Variants in SARNP observed in about 807,000 individuals in gnomAD.
The protein encoded by SARNP is SAP domain-containing ribonucleoprotein.
In SARNP, 5 loss-of-function variants were observed where a neutral mutation model predicts 38.1. The observed-to-expected ratio is 0.13, with a 90% confidence interval of 0.07 to 0.28. The LOEUF (loss-of-function observed/expected upper bound fraction) is 0.28. SARNP is among the 10% of genes least tolerant of loss of function. The pLI is 1.00. For synonymous variants in SARNP, 84 were observed against 80.6 expected, an observed-to-expected ratio of 1.04 and a Z score of -0.23; for missense variants, 180 against 243.9, an observed-to-expected ratio of 0.74 and a Z score of 1.75.
intron 2 of SARNP, among the ~76,000 whole-genome samples, chr12:55,802,066 T>G (rs59237134): frequency 0.046 from 7,066 of 152,226 alleles, 569 homozygotes; most frequent in African/African-American, 0.16. Context: ...TAAACTTTTT[T>G]CATGGAGAAC....
At chr12:55,775,602 GAAGA>G (rs1456219352) in intron 9 of SARNP, among the ~76,000 whole-genome samples, 1 of 150,124 alleles carries the variant, frequency 6.7e-6, no homozygotes, top group African/African-American at 2.4e-5. Context: ...AAGGGGAGAG[GAAGA>G]AAGGAGTTAA....
At chr12:55,760,775 A>G (rs1181799238) in intron 9 of SARNP, 135 bp from the exon 10 acceptor site, 1 of 637,882 alleles carries the variant, frequency 1.6e-6, no homozygotes, top group Non-Finnish European at 2.8e-6. Context: ...ATAAAGAGAT[A>G]AGATACATAA....
At chr12:55,786,448 G>A (rs1879497315) in intron 9 of SARNP, among the ~76,000 whole-genome samples, 1 of 151,914 alleles carries the variant, frequency 6.6e-6, no homozygotes, top group African/African-American at 2.4e-5. Context: ...TTGTTTGTTT[G>A]TTTGTTTGTT....
intron 9 of SARNP, among the ~76,000 whole-genome samples, chr12:55,784,253 G>A (rs1042408654): frequency 6.6e-6 from 1 of 152,144 alleles, no homozygotes; most frequent in East Asian, 1.9e-4. Flanking sequence ...AAATTATATA[G>A]AAGGCTACAC....
intron 1 of SARNP, among the ~76,000 whole-genome samples, chr12:55,804,603 A>G (rs1880080746): frequency 6.6e-6 from 1 of 152,150 alleles, no homozygotes; most frequent in Admixed American, 6.5e-5. Flanking sequence ...TTAGGCAAAG[A>G]AGGTTAACAG....
chr12:55,802,992 T>C (rs2136202328), intron 2 of SARNP, among the ~76,000 whole-genome samples: 1 of 149,970 alleles, frequency 6.7e-6, no homozygotes, highest in African/African-American at 2.4e-5. Context: ...GCCAGTTATG[T>C]AATTACCAAT....
chr12:55,786,090 A>T (rs1288331225), intron 9 of SARNP, among the ~76,000 whole-genome samples: 1 of 152,226 alleles, frequency 6.6e-6, no homozygotes, highest in Non-Finnish European at 1.5e-5. Context: ...TAAAAATGAA[A>T]AAAGGTCAAA....
intron 9 of SARNP, among the ~76,000 whole-genome samples, chr12:55,785,633 G>T (rs1349793922): frequency 3.9e-5 from 6 of 151,920 alleles, no homozygotes; most frequent in Non-Finnish European, 8.8e-5. Context: ...AAATTAGCTG[G>T]GCATGGTGGC....
At chr12:55,792,365 G>A (rs1879697319) in intron 7 of SARNP, among the ~76,000 whole-genome samples, 1 of 151,540 alleles carries the variant, frequency 6.6e-6, no homozygotes, top group Admixed American at 6.6e-5. Flanking sequence ...CTGAGAAAAG[G>A]GGCTATGTTC....
intron 9 of SARNP, among the ~76,000 whole-genome samples, chr12:55,781,395 G>A (rs886393709): frequency 3.5e-4 from 53 of 151,902 alleles, no homozygotes; most frequent in African/African-American, 1.1e-3. Context: ...TTAGCCAGGC[G>A]TTGTGGCGGG....
At chr12:55,760,710 A>G (rs1178430851) in intron 9 of SARNP, 70 bp from the exon 10 acceptor site, 3 of 1,063,812 alleles carry the variant, frequency 2.8e-6, no homozygotes, top group African/African-American at 1.6e-5. Context: ...GAATGAAATG[A>G]TAACTTATTG....
chr12:55,759,446 C>T (rs1179073896), intron 10 of SARNP, among the ~76,000 whole-genome samples: 2 of 149,894 alleles, frequency 1.3e-5, no homozygotes, highest in Non-Finnish European at 3.0e-5. Flanking sequence ...GAGCAAGTCT[C>T]ACTCTGTAGC....
chr12:55,760,768 A>C, intron 9 of SARNP, 128 bp from the exon 10 acceptor site: 1 of 659,920 alleles, frequency 1.5e-6, no homozygotes, highest in Non-Finnish European at 2.7e-6. Context: ...GGATCACATA[A>C]AGAGATAAGA....
intron 9 of SARNP, among the ~76,000 whole-genome samples, chr12:55,764,049 T>C (rs1362167145): frequency 2.6e-5 from 4 of 152,156 alleles, no homozygotes; most frequent in Non-Finnish European, 5.9e-5. Flanking sequence ...TTTAATCACA[T>C]CACTCAAATA....
intron 9 of SARNP, among the ~76,000 whole-genome samples, chr12:55,788,119 T>C (rs762481003): frequency 5.9e-5 from 9 of 152,304 alleles, no homozygotes; most frequent in Admixed American, 1.3e-4. Flanking sequence ...CCAAGAAACA[T>C]GTTCTTGTTC....
At chr12:55,796,651 C>A (rs991702734) in intron 4 of SARNP, among the ~76,000 whole-genome samples, 14 of 152,308 alleles carry the variant, frequency 9.2e-5, no homozygotes, top group Admixed American at 8.5e-4. Context: ...GATCCACCCA[C>A]CTCGGCCTCC....
downstream of SARNP, chr12:55,757,215 T>C: frequency 8.3e-6 from 2 of 240,840 alleles, no homozygotes; most frequent in South Asian, 1.0e-4. Context: ...AAGCTCCCCT[T>C]ATCTGGTCTA....
At chr12:55,786,253 T>C (rs575873445) in intron 9 of SARNP, among the ~76,000 whole-genome samples, 8 of 152,332 alleles carry the variant, frequency 5.3e-5, no homozygotes, top group South Asian at 4.1e-4. Context: ...GTAAGAGATA[T>C]GGTGTTCAAT....
At chr12:55,817,537 A>G (rs1377009273) in intron 1 of SARNP, 129 bp downstream of exon 1, 5 of 809,266 alleles carry the variant, frequency 6.2e-6, no homozygotes, top group Non-Finnish European at 1.0e-5. Context: ...GGCACAAAAG[A>G]GCTACGGCGG....
Sources: gnomAD v4.1 joint callset for allele counts (sites outside exome capture counted in the v4.1 genomes callset) on GRCh38, gnomAD v4.1.1 for gene constraint, MANE v1.5 for transcripts, NCBI Gene and HGNC (gene_info 2026-07-23, HGNC 2026-07-21) for gene names.